Variants in DCLRE1A observed in about 807,000 individuals in gnomAD.
The protein encoded by DCLRE1A is DNA cross-link repair 1A, also known as DNA cross-link repair 1A protein.
DCLRE1A carries 64 observed loss-of-function variants against 91.9 expected under a neutral mutation model. The ratio of observed to expected loss-of-function variants is 0.70; its 90% CI spans 0.57 to 0.86. The LOEUF (loss-of-function observed/expected upper bound fraction) is 0.86, where lower values mean the gene tolerates loss of function less well. DCLRE1A is among the 40% of genes least tolerant of loss of function. DCLRE1A has a pLI of 0.00. For missense variants in DCLRE1A, 1,145 were observed against 1,213.3 expected, an observed-to-expected ratio of 0.94 and a Z score of 0.84; for synonymous variants, 416 against 431.1, an observed-to-expected ratio of 0.96 and a Z score of 0.43.
Position 113,849,326 on chromosome 10 carries a change from T to C in DCLRE1A, c.1779A>G (p.Gln593=), listed in dbSNP as rs1845598139. 1 of 1,614,202 alleles carries C rather than the reference T, an allele frequency of 6.2e-7. No homozygotes were observed. The highest frequency in any genetic ancestry group is 8.5e-7 in the Non-Finnish European group (1 of 1,180,032). The change falls in exon 2 of 9, where the codon CAA becomes CAG. Residue 593 remains glutamine (Q), a synonymous_variant. Transcript: ENST00000361384. ...INLNPVPSPN[Q]KRSSQCKRKA... ...TCCTCTTGCACTGCGAGGACCTCTT[T>C]TGATTAGGACTTGGAACTGGATTTA... is the stretch of plus-strand genomic sequence containing the variant.
Position 113,848,158 on chromosome 10 carries a change from GA to G in DCLRE1A, c.2125+821del, listed in dbSNP as rs1272435190. Among the ~76,000 whole-genome samples the G allele has an allele frequency of 4.0e-5, 6 of 151,330 alleles. No individual in the cohort carries two copies. In the South Asian group the frequency reaches 1.0e-3, roughly 26 times the overall value. On this transcript the variant is annotated intron_variant, in intron 2 of 8. Transcript: ENST00000361384. The stretch of plus-strand genomic sequence containing the variant: ...GAAACCCCGTCTCTACTAAAAATAT[GA>G]AAAAAAAATTAGCCGGGCGTTGTGG...
intron 4 of DCLRE1A, among the ~76,000 whole-genome samples, chr10:113,845,280 AG>A (rs1845516045): frequency 6.6e-6 from 1 of 152,212 alleles, no homozygotes; most frequent in African/African-American, 2.4e-5. Flanking sequence ...CTTAGTTTAA[AG>A]AGGGGTAGGG....
At chr10:113,841,584 A>AAAT in intron 6 of DCLRE1A, 24 bp from the exon 7 acceptor site, 1 of 1,581,954 alleles carries the variant, frequency 6.3e-7, no homozygotes, top group Non-Finnish European at 8.5e-7. Flanking sequence ...AAAAGATTAA[A>AAAT]AATAGTAAAC....
intron 7 of DCLRE1A, 60 bp downstream of exon 7, chr10:113,841,346 T>C: frequency 6.4e-7 from 1 of 1,571,786 alleles, no homozygotes; most frequent in South Asian, 1.2e-5. Flanking sequence ...TAAATGAAGC[T>C]TAAAATAATC....
rs1274385468 is a variant in DCLRE1A at position 113,847,232 on chromosome 10, T to C, written c.2229A>G (p.Lys743=). The C allele has an allele frequency of 6.2e-7, 1 of 1,613,258 alleles. No individual in the cohort carries two copies. Among genetic ancestry groups the C allele is most frequent in the Non-Finnish European group, 8.5e-7 (1 of 1,179,548 alleles). ...FHSDHYAGLS[K]HFTFPVYCSE... is the part of the protein sequence containing the mutation. ...TACAATAAACTGGAAATGTGAAGTG[T>C]TTAGACAATCCAGCATAATGATCAG... Residue 743 remains lysine, a synonymous_variant, in exon 3 of 9, where the codon AAA becomes AAG. Coordinates refer to ENST00000361384, the MANE Select transcript of DCLRE1A (RefSeq NM_014881.5).
In DCLRE1A at chr10:113,835,017, A is replaced by C; in HGVS notation, c.*135T>G. 1 of 930,002 alleles carries C rather than the reference A, an allele frequency of 1.1e-6. No homozygotes were observed. The highest frequency in any genetic ancestry group is 1.6e-6 in the Non-Finnish European group (1 of 623,610). 57.6% of individuals were successfully genotyped at this position (930,002 alleles called of 1,614,324 possible). A position where few individuals can be genotyped will look rare whatever the true frequency, so the allele number is the denominator to read the frequency against. On this transcript the variant is annotated 3_prime_UTR_variant, in exon 9 of 9. Coordinates refer to ENST00000361384, the MANE Select transcript of DCLRE1A (RefSeq NM_014881.5). ...CACCACGAACATGTTGTTCAAACAT[A>C]AATGAGAAAATAAAGTATCTGAACA...
At chr10:113,848,049 C>T (rs1030449258) in intron 2 of DCLRE1A, among the ~76,000 whole-genome samples, 3 of 152,134 alleles carry the variant, frequency 2.0e-5, no homozygotes, top group African/African-American at 7.2e-5. Flanking sequence ...CTCGGTGGCT[C>T]ACGCCCGTAA....
At chr10:113,852,236 T>C (rs937335133) in intron 1 of DCLRE1A, among the ~76,000 whole-genome samples, 1 of 152,170 alleles carries the variant, frequency 6.6e-6, no homozygotes, top group Non-Finnish European at 1.5e-5. Context: ...CTCGGGAAGC[T>C]GAGGCAGGAG....
At chr10:113,852,616 C>G in intron 1 of DCLRE1A, 107 bp downstream of exon 1, 2 of 1,109,386 alleles carry the variant, frequency 1.8e-6, no homozygotes, top group Non-Finnish European at 2.5e-6. Flanking sequence ...TGTCTCATCT[C>G]TCTTTTAGGT....
chr10:113,837,361 GA>G (rs1009272057), intron 7 of DCLRE1A, among the ~76,000 whole-genome samples, 158 bp from the exon 8 acceptor site: 60 of 149,810 alleles, frequency 4.0e-4, no homozygotes, highest in Admixed American at 1.1e-3. Context: ...AATAATCACT[GA>G]AAAAAAAATA....
In DCLRE1A at chr10:113,841,574, A is replaced by T. The variant is rs1307841063; in HGVS notation, c.2666-14T>A. 1.9e-6 allele frequency: 3 copies of T among 1,584,496 alleles called. No individual in the cohort carries two copies. Among genetic ancestry groups the T allele is most frequent in the Non-Finnish European group, 2.6e-6 (3 of 1,171,270 alleles). On this transcript the variant is annotated splice_polypyrimidine_tract_variant and intron_variant, in intron 6 of 8. Transcript: ENST00000361384. ...CATCAGCAATGGCTATGGGCAAAAG[A>T]AAAGATTAAAAATAGTAAACTTACA...
intron 7 of DCLRE1A, among the ~76,000 whole-genome samples, chr10:113,840,301 A>T (rs1437064845): frequency 6.6e-6 from 1 of 151,996 alleles, no homozygotes; most frequent in Non-Finnish European, 1.5e-5. Flanking sequence ...CTCCAAAAAA[A>T]AAAAAAACAA....
At position 113,847,331 on chromosome 10, in the gene DCLRE1A, G is replaced by T. The variant is rs182063175; in HGVS notation, c.2130C>A (p.Thr710=). Residue 710 remains threonine (T), a synonymous_variant, in exon 3 of 9, where the codon ACC becomes ACA. Transcript: ENST00000361384. ...ACTGAAAGGCATCAACTGTAAAGCC[G>T]GTTCCTGCAATAAAAATACCGACAC... ...TCPFYKKIPG[T]GFTVDAFQYG... 6.2e-7 allele frequency: 1 copy of T among 1,613,138 alleles called. No individual in the cohort carries two copies. The highest frequency in any genetic ancestry group is 8.5e-7 in the Non-Finnish European group (1 of 1,179,502).
In DCLRE1A at chr10:113,852,936, T is replaced by G. The variant is rs61755344; in HGVS notation, c.247A>C (p.Ser83Arg). 1.1e-3 allele frequency: 1,733 copies of G among 1,614,100 alleles called. 16 individuals carry two copies. The African/African-American group carries it at 0.019, about 18-fold the overall frequency. Residue 83 changes from serine to arginine, a missense_variant, in exon 1 of 9, where the codon AGT (serine) becomes CGT (arginine). By Grantham distance (110) the Ser-to-Arg change is moderately radical. Transcript: ENST00000361384. ...QTSVASSQNS[S>R]CGDGIQQTQD... The stretch of plus-strand genomic sequence containing the variant: ...GTCTGCTGAATACCATCTCCACAAC[T>G]TGAATTCTGACTAGAAGCAACAGAA...
intron 1 of DCLRE1A, among the ~76,000 whole-genome samples, chr10:113,852,132 C>T (rs1209241822): frequency 6.6e-6 from 1 of 152,164 alleles, no homozygotes; most frequent in African/African-American, 2.4e-5. Flanking sequence ...GTCAGGAGAT[C>T]GAGACCATCC....
intron 1 of DCLRE1A, 110 bp downstream of exon 1, chr10:113,852,613 T>A (rs188154794): frequency 1.9e-6 from 2 of 1,062,894 alleles, no homozygotes; most frequent in Non-Finnish European, 2.7e-6. Flanking sequence ...CAGTGTCTCA[T>A]CTCTCTTTTA....
chr10:113,845,598 T>C (rs1845523753), intron 4 of DCLRE1A, 87 bp downstream of exon 4: 1 of 977,696 alleles, frequency 1.0e-6, no homozygotes, highest in Admixed American at 2.1e-5. Flanking sequence ...GCATATTAAT[T>C]ATAATGAAAA....
At chr10:113,842,032 C>T (rs992107461) in intron 6 of DCLRE1A, among the ~76,000 whole-genome samples, 2 of 152,134 alleles carry the variant, frequency 1.3e-5, no homozygotes, top group Non-Finnish European at 2.9e-5. Flanking sequence ...TCAAAGAATG[C>T]AGCAATACAA....
intron 2 of DCLRE1A, among the ~76,000 whole-genome samples, chr10:113,847,820 G>A (rs17235136): frequency 6.6e-6 from 1 of 152,186 alleles, no homozygotes; most frequent in South Asian, 2.1e-4. Flanking sequence ...AACTAGAGGA[G>A]GGGGTGGGAA....
Sources: allele counts gnomAD v4.1 joint callset (sites outside exome capture counted in the v4.1 genomes callset), GRCh38; gene constraint gnomAD v4.1.1; transcripts MANE v1.5; gene names NCBI Gene and HGNC (gene_info 2026-07-23, HGNC 2026-07-21).